DENND2B: variants seen among roughly 807,000 people sequenced by gnomAD.
DENND2B encodes DENN domain-containing protein 2B.
DENND2B carries 32 observed loss-of-function variants against 116.0 expected under a neutral mutation model. The ratio of observed to expected loss-of-function variants is 0.28; its 90% CI spans 0.21 to 0.37. The LOEUF (loss-of-function observed/expected upper bound fraction) is 0.37. Ranked by LOEUF, DENND2B falls within the 10% of genes least tolerant of loss-of-function variation. DENND2B has a pLI of 1.00. For missense variants in DENND2B, 1,276 were observed against 1,477.7 expected, an observed-to-expected ratio of 0.86 and a Z score of 2.24; for synonymous variants, 588 against 583.9, an observed-to-expected ratio of 1.01 and a Z score of -0.10.
chr11:8,782,858 G>C lies in DENND2B; in HGVS notation c.-26+27659C>G, dbSNP rs914711683. ...GCCGAGATCACGCCACTGCACTCCAGCCTGGGCAACAGTGTGAGACTCTGT... is the reference window on the plus strand; with the variant it reads ...GCCGAGATCACGCCACTGCACTCCACCCTGGGCAACAGTGTGAGACTCTGT... On this transcript the variant is annotated intron_variant, in intron 1 of 19. Transcript: ENST00000313726. Among the ~76,000 whole-genome samples the C allele has an allele frequency of 4.3e-5, 6 of 140,240 alleles. 1 individual carries two copies. The South Asian group carries it at 1.4e-3, about 32-fold the overall frequency. 92.0% of individuals were successfully genotyped at this position (140,240 alleles called of 152,430 possible). A position where few individuals can be genotyped will look rare whatever the true frequency, so the allele number is the denominator to read the frequency against.
At chr11:8,867,573 C>CTTTTTTTTTTTTT (rs33990941) in intron 2 of DENND2B, among the ~76,000 whole-genome samples, 3 of 89,230 alleles carry the variant, frequency 3.4e-5, no homozygotes, top group African/African-American at 4.3e-5. Flanking sequence ...TAAAATTCAG[C>CTTTTTTTTTTTTT]TTTTTTTTTT....
intron 2 of DENND2B, among the ~76,000 whole-genome samples, chr11:8,739,886 TAAAG>T (rs2133980896): frequency 6.6e-6 from 1 of 152,200 alleles, no homozygotes; most frequent in South Asian, 2.1e-4. Flanking sequence ...GAAATAAATT[TAAAG>T]AAAAAGTATT....
chr11:8,738,482 G>C (rs1342573555), intron 2 of DENND2B, among the ~76,000 whole-genome samples: 2 of 152,098 alleles, frequency 1.3e-5, no homozygotes, highest in African/African-American at 4.8e-5. Context: ...GTCAGAGTTT[G>C]TTCCCCTCCT....
At chr11:8,854,066 T>A (rs2063112409) in intron 3 of DENND2B, among the ~76,000 whole-genome samples, 1 of 141,130 alleles carries the variant, frequency 7.1e-6, no homozygotes, top group Non-Finnish European at 1.5e-5. Context: ...AGGATCTCAC[T>A]TTGTTGCCTA....
Position 8,730,454 on chromosome 11 carries a change from G to A in DENND2B, c.836C>T (p.Ser279Leu). 6.2e-7 allele frequency: 1 copy of A among 1,610,898 alleles called. No homozygotes were observed. Among genetic ancestry groups the A allele is most frequent in the South Asian group, 1.1e-5 (1 of 91,088 alleles). The change falls in exon 3 of 20, where the codon TCA becomes TTA. Residue 279 changes from serine (S) to leucine (L), a missense_variant. Physicochemically the swap from Ser to Leu is moderately radical, Grantham distance 145. This residue lies in a region of DENND2B where 856 missense variants were observed against 846.6 expected (regional missense o/e 1.01). Coordinates refer to ENST00000313726, the MANE Select transcript of DENND2B (RefSeq NM_213618.2). The surrounding 1 kb of genome is among the most constrained non-coding windows in gnomAD (Gnocchi z 4.1). ...LRGHGSRKES[S>L]AVLSRIQKIE... ...TTTCTGGATCCGGCTCAGCACTGCT[G>A]AGCTCTCCTTCCTGCTGCCATGCCC...
rs751630091 is a variant in DENND2B at position 8,731,040 on chromosome 11, A to C, written c.250T>G (p.Ser84Ala). 1 of 1,613,616 alleles carries C rather than the reference A, an allele frequency of 6.2e-7. No individual in the cohort carries two copies. Among genetic ancestry groups the C allele is most frequent in the Admixed American group, 1.7e-5 (1 of 60,000 alleles). ...CAGGTGGGTGGGGAAGTATCTGGGG[A>C]GGGATCTTGAGGATTCTGGGGTGAA... ...APSPQNPQDP[S>A]PDTSPPTCPF... The change falls in exon 3 of 20, where the codon TCC becomes GCC. Residue 84 changes from serine to alanine, a missense_variant. By Grantham distance (99) the Ser-to-Ala change is moderately conservative. This residue lies in a region of DENND2B where 856 missense variants were observed against 846.6 expected (regional missense o/e 1.01). Transcript: ENST00000313726.
At chr11:8,772,923 CTCTT>C (rs775832490) in intron 1 of DENND2B, among the ~76,000 whole-genome samples, 1 of 152,158 alleles carries the variant, frequency 6.6e-6, no homozygotes, top group Non-Finnish European at 1.5e-5. Flanking sequence ...TGTTTTCTCT[CTCTT>C]TCTGTCTTTC....
intron 2 of DENND2B, among the ~76,000 whole-genome samples, chr11:8,737,683 C>T (rs377051570): frequency 1.5e-5 from 2 of 131,852 alleles, no homozygotes; most frequent in African/African-American, 2.6e-5. Flanking sequence ...TTCTCTTTCT[C>T]TCTCTCTCCT....
At chr11:8,849,797 T>C (rs1466108965) in intron 3 of DENND2B, among the ~76,000 whole-genome samples, 1 of 146,384 alleles carries the variant, frequency 6.8e-6, no homozygotes, top group East Asian at 2.0e-4. Context: ...TACTCCAGCC[T>C]GGGTGACAGA....
chr11:8,863,783 A>C (rs1029827623), intron 2 of DENND2B, among the ~76,000 whole-genome samples: 19 of 152,158 alleles, frequency 1.2e-4, no homozygotes, highest in African/African-American at 4.3e-4. Flanking sequence ...GTATCTATGT[A>C]CAGATTCGAG....
chr11:8,875,666 T>A (rs2063833756), upstream of DENND2B, among the ~76,000 whole-genome samples: 1 of 152,004 alleles, frequency 6.6e-6, no homozygotes. Flanking sequence ...TGGCTTCAAG[T>A]GATCCTCCCA....
At chr11:8,744,598 G>T (rs2050891178) in intron 2 of DENND2B, among the ~76,000 whole-genome samples, 2 of 152,186 alleles carry the variant, frequency 1.3e-5, no homozygotes, top group South Asian at 4.1e-4. Context: ...AAGAAAAGAT[G>T]AGTCAGAGAG....
upstream of DENND2B, among the ~76,000 whole-genome samples, chr11:8,875,022 AGATGACTTT>A (rs2063827282): frequency 1.3e-5 from 2 of 152,166 alleles, no homozygotes; most frequent in Non-Finnish European, 2.9e-5. Context: ...TGGTTAGCCT[AGATGACTTT>A]AAGTGTTCTA....
At chr11:8,820,920 G>A (rs1353773295) in intron 4 of DENND2B, among the ~76,000 whole-genome samples, 1 of 151,850 alleles carries the variant, frequency 6.6e-6, no homozygotes, top group African/African-American at 2.4e-5. Context: ...TCAGGAGTTC[G>A]AGACCAGCCT....
At chr11:8,732,209 T>C (rs1313827043) in intron 2 of DENND2B, among the ~76,000 whole-genome samples, 2 of 152,218 alleles carry the variant, frequency 1.3e-5, no homozygotes, top group African/African-American at 4.8e-5. Flanking sequence ...TCCAAATCCA[T>C]ATGCAGATCT....
upstream of DENND2B, among the ~76,000 whole-genome samples, chr11:8,814,747 A>G (rs895544418): frequency 2.0e-5 from 3 of 152,188 alleles, no homozygotes; most frequent in African/African-American, 7.2e-5. Context: ...CTAACCACCA[A>G]TATTCCCTGC....
intron 2 of DENND2B, among the ~76,000 whole-genome samples, chr11:8,863,797 C>T (rs571302115): frequency 7.2e-5 from 11 of 152,236 alleles, no homozygotes; most frequent in African/African-American, 2.6e-4. Context: ...ATTCGAGTGA[C>T]TACTGAAAAG....
intron 1 of DENND2B, among the ~76,000 whole-genome samples, chr11:8,764,142 C>T (rs968521734): frequency 6.6e-6 from 1 of 152,110 alleles, no homozygotes; most frequent in Non-Finnish European, 1.5e-5. Flanking sequence ...ATCACTTGAA[C>T]CCGGGAGGCG....
At chr11:8,696,986 G>A (rs1257640431) in intron 17 of DENND2B, among the ~76,000 whole-genome samples, 6 of 152,130 alleles carry the variant, frequency 3.9e-5, no homozygotes, top group Non-Finnish European at 7.4e-5. Flanking sequence ...GGCTGGTCTC[G>A]AACTCCTGAC....
Sources: gnomAD v4.1 joint callset for allele counts (sites outside exome capture counted in the v4.1 genomes callset) on GRCh38, gnomAD v4.1.1 for gene constraint, gnomAD v4.1.1 regional missense constraint, Gnocchi (gnomAD v3.1) non-coding constraint, MANE v1.5 for transcripts, NCBI Gene and HGNC (gene_info 2026-07-23, HGNC 2026-07-21) for gene names.